RABEP2: variants seen among roughly 807,000 people sequenced by gnomAD.
RABEP2 encodes the protein rabaptin, RAB GTPase binding effector protein 2, also known as rab GTPase-binding effector protein 2.
In RABEP2, 57 loss-of-function variants were observed where a neutral mutation model predicts 74.1. The ratio of observed to expected loss-of-function variants is 0.77; its 90% CI spans 0.62 to 0.96. The LOEUF is 0.96. Ranked by LOEUF, RABEP2 falls within the 40% of genes least tolerant of loss-of-function variation. RABEP2 has a pLI of 0.00. For missense variants in RABEP2, 692 were observed against 756.3 expected, an observed-to-expected ratio of 0.91 and a Z score of 1.00; for synonymous variants, 351 against 344.0, an observed-to-expected ratio of 1.02 and a Z score of -0.23.
At chr16:28,912,599 G>T (rs1023839617) in intron 5 of RABEP2, among the ~76,000 whole-genome samples, 4 of 151,808 alleles carry the variant, frequency 2.6e-5, no homozygotes, top group South Asian at 2.1e-4. Context: ...TTTTTTGTAG[G>T]ACAGGGTTTC....
At chr16:28,908,851 C>A (rs1463788280) in intron 7 of RABEP2, 87 bp from the exon 8 acceptor site, 13 of 1,367,870 alleles carry the variant, frequency 9.5e-6, no homozygotes, top group South Asian at 1.4e-5. Flanking sequence ...ACCCTCCTCC[C>A]AGACTGACAG....
chr16:28,925,160 C>G lies in RABEP2; in HGVS notation c.4G>C (p.Ala2Pro). 8 of 1,531,606 alleles carry G rather than the reference C, an allele frequency of 5.2e-6. No homozygotes were observed. The highest frequency in any genetic ancestry group is 7.0e-6 in the Non-Finnish European group (8 of 1,144,922). The allele number at this position is 1,531,606 out of a possible 1,614,324, so 94.9% of individuals were successfully genotyped here. A position where few individuals can be genotyped will look rare whatever the true frequency, so the allele number is the denominator to read the frequency against. M[A>P]AAAPVAADDD... ...TCCGCGGCCACCGGCGCAGCTGCCGCCATTGCCTCAGCGCAAACGGCGGAT... is the reference window on the plus strand; with the variant it reads ...TCCGCGGCCACCGGCGCAGCTGCCGGCATTGCCTCAGCGCAAACGGCGGAT... The change falls in exon 1 of 13, where the codon GCG becomes CCG. Residue 2 changes from alanine (A) to proline (P), a missense_variant. Physicochemically the swap from Ala to Pro is conservative, Grantham distance 27 (BLOSUM62 -1). Coordinates refer to ENST00000358201, the MANE Select transcript of RABEP2 (RefSeq NM_024816.3).
intron 5 of RABEP2, among the ~76,000 whole-genome samples, chr16:28,912,410 T>C (rs56330742): frequency 2.0e-3 from 166 of 81,912 alleles, no homozygotes; most frequent in Non-Finnish European, 3.6e-3. Flanking sequence ...TTCTTTCTTT[T>C]TTTTTTTTTT....
intron 5 of RABEP2, among the ~76,000 whole-genome samples, chr16:28,912,623 G>A (rs984938961): frequency 6.6e-6 from 1 of 151,934 alleles, no homozygotes; most frequent in African/African-American, 2.4e-5. Context: ...ATGTTGCCCA[G>A]GCTGGTCTCA....
At chr16:28,909,085 A>G (rs1271398478) in intron 7 of RABEP2, among the ~76,000 whole-genome samples, 1 of 151,722 alleles carries the variant, frequency 6.6e-6, no homozygotes, top group African/African-American at 2.4e-5. Context: ...TAAAAAATAT[A>G]TATTTTTTTG....
At chr16:28,912,881 C>T (rs1480227351) in intron 5 of RABEP2, among the ~76,000 whole-genome samples, 2 of 152,178 alleles carry the variant, frequency 1.3e-5, no homozygotes, top group Non-Finnish European at 2.9e-5. Context: ...CGGTGGCCTT[C>T]CTGTTCCTCA....
chr16:28,907,903 G>A (rs1210210881), intron 8 of RABEP2, among the ~76,000 whole-genome samples: 3 of 152,242 alleles, frequency 2.0e-5, no homozygotes, highest in East Asian at 1.9e-4. Flanking sequence ...GGGTTCAATC[G>A]ATTCTCCAGC....
intron 5 of RABEP2, among the ~76,000 whole-genome samples, chr16:28,913,428 T>C (rs1299365752): frequency 5.3e-5 from 8 of 152,302 alleles, no homozygotes; most frequent in Middle Eastern, 6.8e-3. Context: ...TTATAATTTC[T>C]TTACCACATA....
Position 28,904,668 on chromosome 16 carries a change from C to A in RABEP2, c.*275G>T. 1.4e-6 allele frequency: 1 copy of A among 697,580 alleles called. No homozygotes were observed. Among genetic ancestry groups the A allele is most frequent in the Non-Finnish European group, 2.2e-6 (1 of 448,352 alleles). The allele number at this position is 697,580 out of a possible 1,614,324, so 43.2% of individuals were successfully genotyped here. A position where few individuals can be genotyped will look rare whatever the true frequency, so the allele number is the denominator to read the frequency against. Reference sequence around the variant, plus strand: ...CAGGGGAGGGCTGGAGCCCAGGAGGCAGCACAGCAGCCAGAAAGCCGCAGG... The same window carrying A: ...CAGGGGAGGGCTGGAGCCCAGGAGGAAGCACAGCAGCCAGAAAGCCGCAGG... On this transcript the variant is annotated 3_prime_UTR_variant, in exon 13 of 13. Coordinates refer to ENST00000358201, the MANE Select transcript of RABEP2 (RefSeq NM_024816.3).
intron 7 of RABEP2, among the ~76,000 whole-genome samples, chr16:28,909,744 G>C (rs1314909452): frequency 6.6e-6 from 1 of 151,484 alleles, no homozygotes; most frequent in East Asian, 1.9e-4. Flanking sequence ...AAAACAGGAG[G>C]CCGGGCTCAG....
chr16:28,905,766 A>G lies in RABEP2; in HGVS notation c.1436-7T>C. 1 of 1,613,918 alleles carries G rather than the reference A, an allele frequency of 6.2e-7. No homozygotes were observed. The highest frequency in any genetic ancestry group is 8.5e-7 in the Non-Finnish European group (1 of 1,179,968). On this transcript the variant is annotated splice_polypyrimidine_tract_variant and splice_region_variant and intron_variant, in intron 10 of 12. Coordinates refer to ENST00000358201, the MANE Select transcript of RABEP2 (RefSeq NM_024816.3). ...CTCAGGCTGCACAGGGAGGCTGGGA[A>G]GTCAGGGCAGGGGGAGACGTCAGGG...
rs1596693368 is a variant in RABEP2 at position 28,905,904 on chromosome 16, C to G, written c.1424-26G>C. 3.7e-6 allele frequency: 6 copies of G among 1,613,444 alleles called. No individual in the cohort carries two copies. The East Asian group carries it at 1.3e-4, about 36-fold the overall frequency. On this transcript the variant is annotated intron_variant, in intron 9 of 12. Transcript: ENST00000358201. ...CTGTGGGAAGGAAAGAAAGAGAGGT[C>G]AAGGCCAGCCTCTCTCCCCTCCCCG... is the stretch of plus-strand genomic sequence containing the variant.
At chr16:28,919,090 C>A (rs536949757) in intron 3 of RABEP2, among the ~76,000 whole-genome samples, 1 of 152,228 alleles carries the variant, frequency 6.6e-6, no homozygotes, top group African/African-American at 2.4e-5. Context: ...TCTAACAGAC[C>A]TCCCTTACAG....
chr16:28,907,129 C>T (rs919659767), intron 8 of RABEP2, among the ~76,000 whole-genome samples: 1 of 150,704 alleles, frequency 6.6e-6, no homozygotes, highest in Non-Finnish European at 1.5e-5. Flanking sequence ...GGGGAAGGTG[C>T]CCCATGGATC....
At chr16:28,905,828 G>A (rs1159652087) in intron 10 of RABEP2, 39 bp downstream of exon 10, 1 of 1,613,848 alleles carries the variant, frequency 6.2e-7, no homozygotes, top group Non-Finnish European at 8.5e-7. Context: ...GCCCAGCCAG[G>A]GTGGGCGATC....
chr16:28,920,705 ATTTTAC>A (rs1261113646), intron 2 of RABEP2, among the ~76,000 whole-genome samples: 1 of 151,200 alleles, frequency 6.6e-6, no homozygotes, highest in Non-Finnish European at 1.5e-5. Flanking sequence ...TGTTTGTTTA[ATTTTAC>A]TTTAAGTTCT....
At chr16:28,919,161 G>A (rs1467123748) in intron 3 of RABEP2, among the ~76,000 whole-genome samples, 2 of 152,134 alleles carry the variant, frequency 1.3e-5, no homozygotes, top group Non-Finnish European at 2.9e-5. Flanking sequence ...AGCATCAGAG[G>A]CATCCTTTTT....
chr16:28,911,287 T>A, intron 5 of RABEP2, 108 bp from the exon 6 acceptor site: 1 of 981,084 alleles, frequency 1.0e-6, no homozygotes, highest in Non-Finnish European at 1.5e-6. Flanking sequence ...ACACAGTCCG[T>A]CAAATTACAG....
At chr16:28,905,808 T>C (rs760318184) in intron 10 of RABEP2, 49 bp from the exon 11 acceptor site, 1 of 1,613,810 alleles carries the variant, frequency 6.2e-7, no homozygotes, top group South Asian at 1.1e-5. Flanking sequence ...CCTCTCCCTT[T>C]CCCCACCTAG....
Sources: allele counts gnomAD v4.1 joint callset (sites outside exome capture counted in the v4.1 genomes callset), GRCh38; gene constraint gnomAD v4.1.1; transcripts MANE v1.5; gene names NCBI Gene and HGNC (gene_info 2026-07-23, HGNC 2026-07-21).